The following APLF variants were observed in gnomAD, a reference collection of about 807,000 sequenced individuals.
The protein encoded by APLF is aprataxin and PNK-like factor.
A neutral mutation model predicts 55.6 loss-of-function variants in APLF; 61 were observed. The observed-to-expected ratio is 1.10, with a 90% CI of 0.89 to 1.36. The LOEUF (loss-of-function observed/expected upper bound fraction) is 1.36. APLF is among the 40% of genes most tolerant of loss of function. APLF has a pLI of 0.00. For synonymous variants in APLF, 207 were observed against 214.8 expected (o/e 0.96, Z 0.32); for missense variants, 611 against 602.5 (o/e 1.01, Z -0.15).
rs193177330 is a variant in APLF, at chr2:68,484,574, C to T, written c.97-5616C>T. ...GGACATGGTGGCGCATGCCTGTAAT[C>T]CCAGCTACCCGGGAGGCTGAGGCAG... On this transcript the variant is annotated intron_variant, in intron 1 of 9. Coordinates refer to ENST00000303795, the MANE Select transcript of APLF (RefSeq NM_173545.3). 2.0e-5 allele frequency among the ~76,000 whole-genome samples: 3 copies of T among 152,106 alleles called. No homozygotes were observed. The East Asian group carries it at 5.8e-4, about 29-fold the overall frequency.
chr2:68,575,943 C>T (rs1671608803), intron 9 of APLF, among the ~76,000 whole-genome samples: 1 of 152,092 alleles, frequency 6.6e-6, no homozygotes, highest in South Asian at 2.1e-4. Context: ...TGGATGGAAT[C>T]ATCTAAGGAG....
chr2:68,518,647 A>G (rs1347327825), intron 5 of APLF, among the ~76,000 whole-genome samples: 1 of 125,384 alleles, frequency 8.0e-6, no homozygotes, highest in Non-Finnish European at 1.6e-5. Context: ...TATCATTAAT[A>G]TATCATGAAT....
intron 7 of APLF, among the ~76,000 whole-genome samples, chr2:68,540,254 T>C (rs912600077): frequency 2.0e-5 from 3 of 152,032 alleles, no homozygotes; most frequent in Non-Finnish European, 4.4e-5. Context: ...AGTGAGAACA[T>C]GCAGTGTTTG....
At chr2:68,515,462 G>A in intron 5 of APLF, 2 of 496,252 alleles carry the variant, frequency 4.0e-6, no homozygotes, top group African/African-American at 2.1e-5. Flanking sequence ...AATGTGAGCT[G>A]GTCCCTGCAA....
chr2:68,540,759 T>C (rs1416359411), intron 7 of APLF, among the ~76,000 whole-genome samples: 1 of 150,980 alleles, frequency 6.6e-6, no homozygotes, highest in African/African-American at 2.5e-5. Flanking sequence ...CCCAATAGGG[T>C]GTATGTGCAT....
intron 5 of APLF, among the ~76,000 whole-genome samples, chr2:68,518,600 T>C (rs1284111019): frequency 8.3e-6 from 1 of 120,860 alleles, no homozygotes; most frequent in Non-Finnish European, 1.6e-5. Flanking sequence ...CATGAATATA[T>C]AATATATCAT....
At chr2:68,516,559 A>T (rs1457507775) in intron 5 of APLF, among the ~76,000 whole-genome samples, 1 of 151,098 alleles carries the variant, frequency 6.6e-6, no homozygotes, top group Non-Finnish European at 1.5e-5. Flanking sequence ...TGTACACTGT[A>T]CCCAGTTTGT....
chr2:68,467,691 G>T lies in APLF; in HGVS notation c.-41G>T, dbSNP rs2103861026. On this transcript the variant is annotated 5_prime_UTR_variant, in exon 1 of 10. It adds an upstream start codon to the 5' untranslated region. Transcript: ENST00000303795. ...GTCTGTGGAGGGCGGAAACAGCGGA[G>T]GGGCCAGTCTCCTGGCGAAGGGGCC... 1 of 1,223,584 alleles carries T rather than the reference G, an allele frequency of 8.2e-7. No individual in the cohort carries two copies. The highest frequency in any genetic ancestry group is 4.1e-5 in the South Asian group (1 of 24,182). The allele number at this position is 1,223,584 out of a possible 1,614,324, so 75.8% of individuals were successfully genotyped here.
At chr2:68,515,927 G>A (rs569259557) in intron 5 of APLF, among the ~76,000 whole-genome samples, 1 of 151,802 alleles carries the variant, frequency 6.6e-6, no homozygotes, top group South Asian at 2.1e-4. Flanking sequence ...GTTTGTTTAA[G>A]TAATAAATGA....
At chr2:68,469,084 T>C (rs973491647) in intron 1 of APLF, among the ~76,000 whole-genome samples, 50 of 152,180 alleles carry the variant, frequency 3.3e-4, no homozygotes, top group African/African-American at 1.2e-3. Flanking sequence ...GAAGTAGATA[T>C]TCAATTGCTG....
At chr2:68,518,335 TAA>T (rs1558539322) in intron 5 of APLF, among the ~76,000 whole-genome samples, 21 of 113,240 alleles carry the variant, frequency 1.9e-4, no homozygotes, top group African/African-American at 7.4e-4. Context: ...AATATATTAA[TAA>T]ATAATTATAT....
chr2:68,468,602 T>C (rs1196013004), intron 1 of APLF, among the ~76,000 whole-genome samples: 2 of 152,240 alleles, frequency 1.3e-5, no homozygotes, highest in Non-Finnish European at 2.9e-5. Context: ...CTCTACCTTC[T>C]TTGGGAGAGG....
chr2:68,486,923 T>C (rs1345315867), intron 1 of APLF, among the ~76,000 whole-genome samples: 1 of 152,154 alleles, frequency 6.6e-6, no homozygotes, highest in Non-Finnish European at 1.5e-5. Flanking sequence ...AAGTAATTTA[T>C]GCCATTTGTC....
At chr2:68,505,068 C>G (rs1238343733) in intron 3 of APLF, among the ~76,000 whole-genome samples, 1 of 151,940 alleles carries the variant, frequency 6.6e-6, no homozygotes. Context: ...TAAATTATAT[C>G]TAAAAATGCT....
chr2:68,513,151 A>C lies in APLF; in HGVS notation c.413A>C (p.His138Pro). 1.2e-6 allele frequency: 2 copies of C among 1,611,490 alleles called. No homozygotes were observed. Among genetic ancestry groups the C allele is most frequent in the Non-Finnish European group, 8.5e-7 (1 of 1,178,390 alleles). Residue 138 changes from histidine to proline, a missense_variant, in exon 4 of 10, where the codon CAT (histidine) becomes CCT (proline). By Grantham distance (77) the His-to-Pro change is moderately conservative. Transcript: ENST00000303795. ...AAATCCCCCGTGATTAATTTACCTC[A>C]TGAGACTACTGGTGCCTCACAACTG... ...TPKSPVINLP[H>P]ETTGASQLEG...
In APLF at chr2:68,513,641, T is replaced by G; in HGVS notation, c.583T>G (p.Leu195Val). The G allele has an allele frequency of 6.2e-7, 1 of 1,611,420 alleles. No homozygotes were observed. The highest frequency in any genetic ancestry group is 8.5e-7 in the Non-Finnish European group (1 of 1,178,222). Reference sequence around the variant, plus strand: ...TCCAACTTGGATGTTAGCAGAACATTTAAGTGATCAAAACCTTTCAGTACC... The same window carrying G: ...TCCAACTTGGATGTTAGCAGAACATGTAAGTGATCAAAACCTTTCAGTACC... ...ILPTWMLAEH[L>V]SDQNLSVPAI... The change falls in exon 5 of 10, where the codon TTA becomes GTA. Residue 195 changes from leucine (L) to valine (V), a missense_variant. Transcript: ENST00000303795.
At chr2:68,553,955 A>C (rs1478033302) in intron 8 of APLF, among the ~76,000 whole-genome samples, 1 of 152,064 alleles carries the variant, frequency 6.6e-6, no homozygotes, top group Non-Finnish European at 1.5e-5. Flanking sequence ...GAATGTGTGC[A>C]AGTCAGTTTC....
intron 1 of APLF, among the ~76,000 whole-genome samples, chr2:68,479,307 C>T (rs1178695494): frequency 6.6e-6 from 1 of 152,200 alleles, no homozygotes; most frequent in Non-Finnish European, 1.5e-5. Context: ...GCCATCAAGC[C>T]TGAAGCAGTA....
intron 5 of APLF, among the ~76,000 whole-genome samples, chr2:68,516,941 AAT>A (rs955708943): frequency 2.1e-4 from 26 of 124,046 alleles, no homozygotes; most frequent in African/African-American, 4.9e-4. Flanking sequence ...TATATAATAT[AAT>A]ATATATAATA....
Sources: allele counts gnomAD v4.1 joint callset (sites outside exome capture counted in the v4.1 genomes callset), GRCh38; gene constraint gnomAD v4.1.1; transcripts MANE v1.5; gene names NCBI Gene and HGNC (gene_info 2026-07-23, HGNC 2026-07-21).